ACSM2B: variants seen among roughly 807,000 people sequenced by gnomAD.
The protein encoded by ACSM2B is acyl-CoA synthetase medium chain family member 2B.
Under a neutral mutation model 78.6 loss-of-function variants are expected in ACSM2B, and 58 were observed. The observed-to-expected ratio is 0.74, with a 90% CI of 0.60 to 0.92. The LOEUF is 0.92. Among genes scored for constraint, ACSM2B ranks in the 40% least tolerant of loss-of-function variants. The pLI is 0.00. For missense variants in ACSM2B, 688 were observed against 711.2 expected (o/e 0.97, Z 0.37); for synonymous variants, 257 against 256.8 (o/e 1.00, Z -0.01).
chr16:20,543,050 C>A (rs2152132303), intron 11 of ACSM2B, 37 bp from the exon 12 acceptor site: 1 of 1,613,324 alleles, frequency 6.2e-7, no homozygotes, highest in Non-Finnish European at 8.5e-7. Context: ...ACACTGGACA[C>A]CGAACCTCTA....
chr16:20,567,591 A>T (rs1472433752), intron 1 of ACSM2B, among the ~76,000 whole-genome samples: 6 of 134,818 alleles, frequency 4.5e-5, no homozygotes, highest in Admixed American at 8.3e-5. Context: ...ATAAATAATA[A>T]TATAAGATAT....
chr16:20,552,636 G>A (rs8050446), intron 5 of ACSM2B, among the ~76,000 whole-genome samples: 15,346 of 152,070 alleles, frequency 0.1, 1,623 homozygotes, highest in African/African-American at 0.26. Flanking sequence ...ACTAACACAA[G>A]ACATCTGCAT....
Position 20,537,335 on chromosome 16 carries a change from T to C in ACSM2B, c.1657A>G (p.Thr553Ala). 6.2e-7 allele frequency: 1 copy of C among 1,614,032 alleles called. No homozygotes were observed. Among genetic ancestry groups the C allele is most frequent in the Non-Finnish European group, 8.5e-7 (1 of 1,179,926 alleles). The change falls in exon 14 of 14, where the codon ACT becomes GCT. Residue 553 changes from threonine to alanine, a missense_variant. Coordinates refer to ENST00000329697, the MANE Select transcript of ACSM2B (RefSeq NM_001105069.2). ...GTTCGTTGAATTTTCCCTGTGACAG[T>C]CTTGGGCAGGTTCAAGACAAACTCT... ...KIEFVLNLPK[T>A]VTGKIQRTKL...
chr16:20,540,521 G>A, intron 13 of ACSM2B, 133 bp downstream of exon 13: 6 of 1,453,082 alleles, frequency 4.1e-6, no homozygotes, highest in Non-Finnish European at 5.5e-6. Context: ...GGGATTGCAG[G>A]TGTCAGCCAC....
intron 1 of ACSM2B, among the ~76,000 whole-genome samples, chr16:20,567,593 A>C (rs2015958996): frequency 7.4e-6 from 1 of 135,060 alleles, no homozygotes; most frequent in South Asian, 2.1e-4. Context: ...AAATAATAAT[A>C]TAAGATATAT....
At chr16:20,572,018 C>A (rs1025918088) in intron 1 of ACSM2B, among the ~76,000 whole-genome samples, 5 of 150,350 alleles carry the variant, frequency 3.3e-5, no homozygotes, top group African/African-American at 4.8e-5. Context: ...ATATTCTTAT[C>A]AATAATGCAA....
In ACSM2B at chr16:20,548,145, C is replaced by T. The variant is rs58301506; in HGVS notation, c.1015G>A (p.Glu339Lys). The T allele has an allele frequency of 2.4e-5, 38 of 1,614,028 alleles. No individual in the cohort carries two copies. The Admixed American group carries it at 4.0e-4, about 17-fold the overall frequency. The change falls in exon 8 of 14, where the codon GAG becomes AAG. Residue 339 changes from glutamate (E) to lysine (K), a missense_variant. By Grantham distance (56) the Glu-to-Lys change is moderately conservative. Coordinates refer to ENST00000329697, the MANE Select transcript of ACSM2B (RefSeq NM_001105069.2). ...TCCAGAGTTTCTGGAAGAAGGGACT[C>T]CCCTCCAGCGAGGCAGTTCTGTAGA... ...PHLQNCLAGG[E>K]SLLPETLENW...
chr16:20,538,172 A>G (rs1036063158), intron 13 of ACSM2B, among the ~76,000 whole-genome samples: 2 of 152,178 alleles, frequency 1.3e-5, no homozygotes, highest in East Asian at 3.8e-4. Context: ...TAATAGGGAT[A>G]CTGAGATGGA....
intron 1 of ACSM2B, among the ~76,000 whole-genome samples, chr16:20,574,849 G>A (rs370425351): frequency 4.0e-5 from 6 of 150,842 alleles, no homozygotes; most frequent in African/African-American, 7.4e-5. Flanking sequence ...CTCAGTATCT[G>A]CTTCTGAAGC....
At position 20,555,118 on chromosome 16, in the gene ACSM2B, C is replaced by A. The variant is rs199920232; in HGVS notation, c.596+151G>T. ...CCTTGCAATGACTTGAAAAAAAAAACCCTTGTATTAGCTTTTATTTCTTCC... is the reference window on the plus strand; with the variant it reads ...CCTTGCAATGACTTGAAAAAAAAAAACCTTGTATTAGCTTTTATTTCTTCC... On this transcript the variant is annotated intron_variant, in intron 4 of 13. Transcript: ENST00000329697. 24 of 1,115,356 alleles carry A rather than the reference C, an allele frequency of 2.2e-5. No individual in the cohort carries two copies. The African/African-American group carries it at 2.2e-4, about 10-fold the overall frequency. 69.1% of individuals were successfully genotyped at this position (1,115,356 alleles called of 1,614,324 possible).
At chr16:20,554,813 C>A (rs1178014317) in intron 4 of ACSM2B, among the ~76,000 whole-genome samples, 1 of 152,244 alleles carries the variant, frequency 6.6e-6, no homozygotes, top group Non-Finnish European at 1.5e-5. Flanking sequence ...GGGTTTCAAC[C>A]CACTTGGTGT....
intron 1 of ACSM2B, among the ~76,000 whole-genome samples, chr16:20,570,443 T>C (rs567483944): frequency 3.3e-5 from 5 of 152,172 alleles, no homozygotes; most frequent in African/African-American, 1.2e-4. Flanking sequence ...CTTTTTGATA[T>C]GCTGTTGGAT....
intron 6 of ACSM2B, among the ~76,000 whole-genome samples, chr16:20,550,984 C>T (rs1342554474): frequency 1.3e-5 from 2 of 152,044 alleles, no homozygotes; most frequent in Admixed American, 6.6e-5. Context: ...TACAGATTCA[C>T]GTAATGGAAT....
At chr16:20,542,214 C>A (rs368245345) in intron 12 of ACSM2B, 1 of 148,588 alleles carries the variant, frequency 6.7e-6, no homozygotes, top group Admixed American at 6.7e-5. Flanking sequence ...TAACTGTATG[C>A]TTCTACCCAT....
chr16:20,541,021 C>T (rs2014974136), intron 12 of ACSM2B: 1 of 340,904 alleles, frequency 2.9e-6, no homozygotes, highest in Admixed American at 4.1e-5. Context: ...CCAAGGACAA[C>T]AGAGACAGAT....
chr16:20,566,654 A>AG (rs373360888), intron 1 of ACSM2B, among the ~76,000 whole-genome samples: 9 of 40,498 alleles, frequency 2.2e-4, no homozygotes, highest in African/African-American at 1.7e-3. Context: ...ACTATACTAT[A>AG]TATATGTATA....
chr16:20,537,107 A>G lies in ACSM2B; in HGVS notation c.*151T>C. The G allele has an allele frequency of 1.2e-6, 1 of 864,250 alleles. No homozygotes were observed. The highest frequency in any genetic ancestry group is 1.8e-6 in the Non-Finnish European group (1 of 544,924). The allele number at this position is 864,250 out of a possible 1,614,324, so 53.5% of individuals were successfully genotyped here. The stretch of plus-strand genomic sequence containing the variant: ...CCTTTCTTATTTCAATATCTAACAT[A>G]GTAATGTTTTGTGCTAATAACCAGG... On this transcript the variant is annotated 3_prime_UTR_variant, in exon 14 of 14. Transcript: ENST00000329697.
At chr16:20,548,308 A>G (rs1350810004) in intron 7 of ACSM2B, 86 bp downstream of exon 7, 9 of 1,605,050 alleles carry the variant, frequency 5.6e-6, no homozygotes, top group Non-Finnish European at 7.7e-6. Context: ...TGTGTGCGAG[A>G]GATTCAGATA....
intron 12 of ACSM2B, 85 bp from the exon 13 acceptor site, chr16:20,540,858 G>T: frequency 6.4e-7 from 1 of 1,550,440 alleles, no homozygotes; most frequent in Non-Finnish European, 8.8e-7. Context: ...ATTAAGACTT[G>T]CATCACCCTT....
Sources: gnomAD v4.1 joint callset for allele counts (sites outside exome capture counted in the v4.1 genomes callset) on GRCh38, gnomAD v4.1.1 for gene constraint, MANE v1.5 for transcripts, NCBI Gene and HGNC (gene_info 2026-07-23, HGNC 2026-07-21) for gene names.